The following CSMD3 variants were observed in gnomAD, a reference collection of about 807,000 sequenced individuals.
CSMD3 encodes CUB and Sushi multiple domains 3, also known as CUB and sushi domain-containing protein 3.
A neutral mutation model predicts 435.2 loss-of-function variants in CSMD3; 177 were observed. The observed-to-expected ratio is 0.41, with a 90% CI of 0.36 to 0.46. The LOEUF (loss-of-function observed/expected upper bound fraction) is 0.46, where lower values mean the gene tolerates loss of function less well. Among genes scored for constraint, CSMD3 ranks in the 20% least tolerant of loss-of-function variants. The probability of loss-of-function intolerance (pLI) is 0.34; values close to 1 mark genes in which losing one functional copy is unlikely to be tolerated. For missense variants in CSMD3, 4,265 were observed against 4,504.6 expected, an observed-to-expected ratio of 0.95 and a Z score of 1.52; for synonymous variants, 1,656 against 1,520.5, an observed-to-expected ratio of 1.09 and a Z score of -2.07.
At chr8:113,291,097 T>C (rs1029073548) in intron 2 of CSMD3, among the ~76,000 whole-genome samples, 6 of 151,746 alleles carry the variant, frequency 4.0e-5, no homozygotes, top group Non-Finnish European at 5.9e-5. Context: ...GGGATACTTA[T>C]GTGAGATTTA....
At chr8:112,864,693 TA>T (rs988631947) in intron 10 of CSMD3, among the ~76,000 whole-genome samples, 14 of 152,070 alleles carry the variant, frequency 9.2e-5, no homozygotes, top group African/African-American at 3.4e-4. Context: ...AGGTAACTAC[TA>T]AAAAAACAAT....
intron 1 of CSMD3, among the ~76,000 whole-genome samples, chr8:113,420,945 A>AG (rs1253031676): frequency 6.6e-6 from 1 of 152,042 alleles, no homozygotes; most frequent in Non-Finnish European, 1.5e-5. Flanking sequence ...AAAAAAAAAA[A>AG]GAAATGTAAA....
chr8:112,817,358 C>G (rs1274494744), intron 12 of CSMD3, among the ~76,000 whole-genome samples: 1 of 152,076 alleles, frequency 6.6e-6, no homozygotes, highest in African/African-American at 2.4e-5. Context: ...ATTACCATCA[C>G]TATTAGTTCT....
intron 57 of CSMD3, among the ~76,000 whole-genome samples, chr8:112,288,886 T>A (rs2130650248): frequency 6.6e-6 from 1 of 152,238 alleles, no homozygotes; most frequent in African/African-American, 2.4e-5. Context: ...TTAGATTAGT[T>A]CAATTTACAA....
At chr8:113,253,144 T>C (rs1806071272) in intron 3 of CSMD3, among the ~76,000 whole-genome samples, 1 of 152,070 alleles carries the variant, frequency 6.6e-6, no homozygotes. Context: ...CTGAGATTGA[T>C]CCTGGACAGT....
At chr8:112,501,361 C>T (rs755395272) in intron 30 of CSMD3, among the ~76,000 whole-genome samples, 8 of 149,790 alleles carry the variant, frequency 5.3e-5, no homozygotes, top group East Asian at 2.0e-4. Context: ...CGCTGCACTC[C>T]GGCCTGAGTG....
intron 12 of CSMD3, among the ~76,000 whole-genome samples, chr8:112,827,960 C>A (rs541644911): frequency 6.6e-6 from 1 of 152,054 alleles, no homozygotes; most frequent in African/African-American, 2.4e-5. Context: ...ATTTTCAGTT[C>A]CTTAAAACTC....
chr8:112,473,697 A>G (rs1247765596), intron 31 of CSMD3, among the ~76,000 whole-genome samples: 1 of 49,472 alleles, frequency 2.0e-5, no homozygotes, highest in African/African-American at 1.4e-4. Flanking sequence ...TTTCTGCCCC[A>G]GGTGTAAGTT....
chr8:112,562,371 C>CTTGCTTTA (rs1281706900), intron 24 of CSMD3, among the ~76,000 whole-genome samples: 5 of 151,380 alleles, frequency 3.3e-5, no homozygotes, highest in Non-Finnish European at 7.4e-5. Flanking sequence ...AAGACTCTTA[C>CTTGCTTTA]TTGCTTTATT....
At chr8:113,226,878 T>G (rs1485897578) in intron 3 of CSMD3, among the ~76,000 whole-genome samples, 1 of 151,556 alleles carries the variant, frequency 6.6e-6, no homozygotes, top group East Asian at 1.9e-4. Flanking sequence ...AGATAAAATT[T>G]GATATGTTTT....
intron 31 of CSMD3, among the ~76,000 whole-genome samples, chr8:112,473,721 ATTTTTTTT>A (rs71309772): frequency 2.3e-5 from 3 of 131,306 alleles, no homozygotes; most frequent in African/African-American, 8.6e-5. Context: ...AGGAAGAGGG[ATTTTTTTT>A]TTTTTTTTTT....
At chr8:113,248,018 A>G (rs1302206917) in intron 3 of CSMD3, among the ~76,000 whole-genome samples, 3 of 152,128 alleles carry the variant, frequency 2.0e-5, no homozygotes, top group Admixed American at 6.6e-5. Flanking sequence ...AGAAGTTTAG[A>G]AAAACATTTA....
chr8:112,360,068 A>C (rs908641929), intron 38 of CSMD3, among the ~76,000 whole-genome samples: 6 of 152,042 alleles, frequency 3.9e-5, no homozygotes, highest in Admixed American at 3.9e-4. Flanking sequence ...CGAATACAAA[A>C]ATAGTGAACT....
At position 112,359,027 on chromosome 8, in the gene CSMD3, C is replaced by CT. The variant is rs953708479; in HGVS notation, c.6137-6494dup. Among the ~76,000 whole-genome samples, 3 of 152,100 alleles carry CT rather than the reference C, an allele frequency of 2.0e-5. No individual in the cohort carries two copies. In the East Asian group the frequency reaches 5.8e-4, roughly 29 times the overall value. Reference sequence around the variant, plus strand: ...ATTGAAAGCCTTAACAAAATGTTTGCTTTTTTGCCAAAACATTTTTCAAAT... The same window carrying CT: ...ATTGAAAGCCTTAACAAAATGTTTGCTTTTTTTGCCAAAACATTTTTCAAAT... On this transcript the variant is annotated intron_variant, in intron 38 of 70. Coordinates refer to ENST00000297405, the MANE Select transcript of CSMD3 (RefSeq NM_198123.2).
Position 112,925,689 on chromosome 8 carries a change from G to A in CSMD3, c.1509-3938C>T, listed in dbSNP as rs572186937. Among the ~76,000 whole-genome samples the A allele has an allele frequency of 2.0e-5, 3 of 152,266 alleles. No individual in the cohort carries two copies. The South Asian group carries it at 6.2e-4, about 32-fold the overall frequency. On this transcript the variant is annotated intron_variant, in intron 9 of 70. Coordinates refer to ENST00000297405, the MANE Select transcript of CSMD3 (RefSeq NM_198123.2). The stretch of plus-strand genomic sequence containing the variant: ...GAGAAATAGTGTAAAGATAAAGAAG[G>A]TAGGAAGAAAGGAGCCTTCTCACCT...
Position 112,968,244 on chromosome 8 carries a change from A to T in CSMD3, c.1342+7593T>A, listed in dbSNP as rs368845147. 7.2e-4 allele frequency among the ~76,000 whole-genome samples: 110 copies of T among 152,096 alleles called. 1 individual carries two copies. Among genetic ancestry groups the T allele is most frequent in the African/African-American group, 2.5e-3 (104 of 41,558 alleles). ...ATTAAAATAAGTACATGTCAGCTCA[A>T]CACCAGTAGGGAATATAAAGTGATG... On this transcript the variant is annotated intron_variant, in intron 7 of 70. Coordinates refer to ENST00000297405, the MANE Select transcript of CSMD3 (RefSeq NM_198123.2).
intron 4 of CSMD3, among the ~76,000 whole-genome samples, chr8:113,145,881 GT>G (rs1382659544): frequency 6.6e-6 from 1 of 151,488 alleles, no homozygotes; most frequent in African/African-American, 2.4e-5. Flanking sequence ...GGCATAGTTA[GT>G]GGGAGAGAAT....
At chr8:112,684,707 A>G (rs1476679300) in intron 15 of CSMD3, among the ~76,000 whole-genome samples, 2 of 152,106 alleles carry the variant, frequency 1.3e-5, no homozygotes, top group Non-Finnish European at 2.9e-5. Flanking sequence ...TTAACATCTC[A>G]CACAACAACA....
At chr8:113,168,465 A>G (rs1334549367) in intron 4 of CSMD3, among the ~76,000 whole-genome samples, 3 of 142,524 alleles carry the variant, frequency 2.1e-5, no homozygotes, top group South Asian at 2.4e-4. Flanking sequence ...AGGTTGCAGT[A>G]AGCCGGGATC....
Sources: gnomAD v4.1 joint callset for allele counts (sites outside exome capture counted in the v4.1 genomes callset) on GRCh38, gnomAD v4.1.1 for gene constraint, MANE v1.5 for transcripts, NCBI Gene and HGNC (gene_info 2026-07-23, HGNC 2026-07-21) for gene names.